The following NKAIN3 variants were observed in gnomAD, a reference collection of about 807,000 sequenced individuals.
NKAIN3 encodes sodium/potassium transporting ATPase interacting 3.
NKAIN3 carries 25 observed loss-of-function variants against 30.2 expected under a neutral mutation model. That is an observed-to-expected ratio of 0.83 (90% CI 0.60 to 1.16). The LOEUF (loss-of-function observed/expected upper bound fraction) is 1.16. Among genes scored for constraint, NKAIN3 ranks in the 50% most tolerant of loss-of-function variants. NKAIN3 has a pLI of 0.00. For synonymous variants in NKAIN3, 91 were observed against 89.6 expected (o/e 1.02, Z -0.09); for missense variants, 225 against 254.1 (o/e 0.89, Z 0.78).
intron 1 of NKAIN3, among the ~76,000 whole-genome samples, chr8:62,253,227 A>G (rs1563907456): frequency 6.6e-6 from 1 of 152,218 alleles, no homozygotes; most frequent in Non-Finnish European, 1.5e-5. Context: ...CAGAAACCCT[A>G]CAAGATTTAG....
chr8:62,839,450 A>G (rs1819467397), intron 4 of NKAIN3, among the ~76,000 whole-genome samples: 1 of 152,150 alleles, frequency 6.6e-6, no homozygotes, highest in African/African-American at 2.4e-5. Flanking sequence ...TTGAAGCGGC[A>G]TTATTTTAGC....
chr8:62,755,615 C>G (rs1413332198), intron 4 of NKAIN3, among the ~76,000 whole-genome samples: 1 of 151,936 alleles, frequency 6.6e-6, no homozygotes, highest in Non-Finnish European at 1.5e-5. Context: ...TCTCCTGTCC[C>G]AAAAGCCTCC....
intron 1 of NKAIN3, among the ~76,000 whole-genome samples, chr8:62,347,265 A>G (rs1192960440): frequency 1.3e-5 from 2 of 152,178 alleles, no homozygotes; most frequent in Admixed American, 6.6e-5. Flanking sequence ...TTCTATCCAA[A>G]GAGAACAATG....
chr8:62,855,881 A>G, intron 4 of NKAIN3: 1 of 771,584 alleles, frequency 1.3e-6, no homozygotes. Context: ...CCAAAGCCAC[A>G]AAATAAAGAG....
intron 1 of NKAIN3, among the ~76,000 whole-genome samples, chr8:62,523,162 T>C (rs1808207375): frequency 6.6e-6 from 1 of 152,182 alleles, no homozygotes. Context: ...ATACTCATAA[T>C]TTAATTACAA....
At chr8:62,340,148 T>G (rs2351946) in intron 1 of NKAIN3, among the ~76,000 whole-genome samples, 5,968 of 152,164 alleles carry the variant, frequency 0.039, 426 homozygotes, top group African/African-American at 0.14. Context: ...TTTAATGTAT[T>G]TTTTATGTTT....
intron 3 of NKAIN3, among the ~76,000 whole-genome samples, chr8:62,638,110 T>C (rs1309300838): frequency 1.3e-5 from 2 of 152,128 alleles, no homozygotes; most frequent in Admixed American, 6.5e-5. Context: ...TGAGTGTTCC[T>C]AGTATGTTTG....
chr8:62,352,011 C>T (rs1436163352), intron 1 of NKAIN3, among the ~76,000 whole-genome samples: 1 of 152,114 alleles, frequency 6.6e-6, no homozygotes, highest in African/African-American at 2.4e-5. Context: ...GGATGAAGCT[C>T]GTGGGCTGGT....
At chr8:62,904,983 CG>C (rs1275185098) in intron 4 of NKAIN3, among the ~76,000 whole-genome samples, 1 of 152,070 alleles carries the variant, frequency 6.6e-6, no homozygotes, top group African/African-American at 2.4e-5. Context: ...TCAGGTCTCT[CG>C]GAGGGTAGTT....
chr8:62,897,702 C>A (rs746165346), intron 4 of NKAIN3, among the ~76,000 whole-genome samples: 3 of 152,118 alleles, frequency 2.0e-5, no homozygotes, highest in Non-Finnish European at 4.4e-5. Context: ...GTCAGTGGGG[C>A]AGATCCCTCA....
intron 4 of NKAIN3, among the ~76,000 whole-genome samples, chr8:62,900,367 C>T (rs1469546224): frequency 6.6e-6 from 1 of 152,158 alleles, no homozygotes; most frequent in Non-Finnish European, 1.5e-5. Context: ...AGAATTACAC[C>T]ATCATCCTGG....
Position 62,981,803 on chromosome 8 carries a change from C to T in NKAIN3, c.*16396C>T, listed in dbSNP as rs986904331. On this transcript the variant is annotated 3_prime_UTR_variant, in exon 7 of 7. Transcript: ENST00000623646. ...CAATAGATTTTATAAAATCCATACTCTAAAACTCCTGAGTTTTACATGTAC... is the reference window on the plus strand; with the variant it reads ...CAATAGATTTTATAAAATCCATACTTTAAAACTCCTGAGTTTTACATGTAC... The T allele has an allele frequency of 6.7e-6, 1 of 149,696 alleles. No homozygotes were observed. Among genetic ancestry groups the T allele is most frequent in the Non-Finnish European group, 1.5e-5 (1 of 67,514 alleles). 9.3% of individuals were successfully genotyped at this position (149,696 alleles called of 1,614,324 possible). A position where few individuals can be genotyped will look rare whatever the true frequency, so the allele number is the denominator to read the frequency against.
chr8:62,470,361 C>A (rs528171763), intron 1 of NKAIN3, among the ~76,000 whole-genome samples: 1 of 152,134 alleles, frequency 6.6e-6, no homozygotes, highest in Admixed American at 6.6e-5. Flanking sequence ...CACCACTGAC[C>A]TGATAGCCAT....
downstream of NKAIN3, among the ~76,000 whole-genome samples, chr8:62,986,883 C>T (rs912736171): frequency 6.6e-6 from 1 of 152,126 alleles, no homozygotes; most frequent in African/African-American, 2.4e-5. Flanking sequence ...TAAACTCATC[C>T]ATTATCTGAC....
chr8:62,409,363 T>C (rs1293311528), intron 1 of NKAIN3, among the ~76,000 whole-genome samples: 11 of 152,118 alleles, frequency 7.2e-5, no homozygotes, highest in Admixed American at 7.2e-4. Context: ...TTTGTATTTT[T>C]AGTAGAGATG....
chr8:62,727,665 A>G (rs1421308130), intron 3 of NKAIN3, among the ~76,000 whole-genome samples: 1 of 152,160 alleles, frequency 6.6e-6, no homozygotes, highest in Non-Finnish European at 1.5e-5. Flanking sequence ...TTATGAGGAA[A>G]ACTACAAAAT....
intron 1 of NKAIN3, among the ~76,000 whole-genome samples, chr8:62,330,715 G>C (rs1815314774): frequency 6.6e-6 from 1 of 151,932 alleles, no homozygotes; most frequent in Admixed American, 6.6e-5. Flanking sequence ...TTTCTAATTA[G>C]AGTGTCCCTT....
chr8:62,435,091 G>C (rs1805127954), intron 1 of NKAIN3, among the ~76,000 whole-genome samples: 1 of 152,102 alleles, frequency 6.6e-6, no homozygotes, highest in Non-Finnish European at 1.5e-5. Flanking sequence ...AGGAGATTTT[G>C]GATAAGTGGA....
At chr8:62,660,041 A>C (rs1224069998) in intron 3 of NKAIN3, among the ~76,000 whole-genome samples, 1 of 152,146 alleles carries the variant, frequency 6.6e-6, no homozygotes, top group Non-Finnish European at 1.5e-5. Context: ...CAGTAGTGTG[A>C]AAATGGACTA....
Sources: allele counts gnomAD v4.1 joint callset (sites outside exome capture counted in the v4.1 genomes callset), GRCh38; gene constraint gnomAD v4.1.1; transcripts MANE v1.5; gene names NCBI Gene and HGNC (gene_info 2026-07-23, HGNC 2026-07-21).